GLIS3: variants seen among roughly 807,000 people sequenced by gnomAD.
GLIS3 encodes zinc finger protein GLIS3.
A neutral mutation model predicts 78.6 loss-of-function variants in GLIS3; 53 were observed. The observed-to-expected ratio is 0.67, with a 90% CI of 0.54 to 0.85. The LOEUF is 0.85. Ranked by LOEUF, GLIS3 falls within the 40% of genes least tolerant of loss-of-function variation. The probability of loss-of-function intolerance (pLI) is 0.00; values close to 1 mark genes in which losing one functional copy is unlikely to be tolerated. For missense variants in GLIS3, 1,703 were observed against 1,231.1 expected, an observed-to-expected ratio of 1.38 and a Z score of -5.74; for synonymous variants, 684 against 509.9, an observed-to-expected ratio of 1.34 and a Z score of -4.60.
chr9:4,009,501 G>A (rs955905577), intron 4 of GLIS3, among the ~76,000 whole-genome samples: 5 of 152,176 alleles, frequency 3.3e-5, no homozygotes, highest in Admixed American at 1.3e-4. Context: ...TCCCACCAGA[G>A]AGCAGAACTG....
At chr9:4,126,090 C>T in intron 2 of GLIS3, 149 bp from the exon 3 acceptor site, 1 of 664,844 alleles carries the variant, frequency 1.5e-6, no homozygotes, top group Non-Finnish European at 2.7e-6. Flanking sequence ...AAAAGGCTTT[C>T]TCCAATTCCA....
intron 4 of GLIS3, among the ~76,000 whole-genome samples, chr9:3,971,677 G>C (rs759468341): frequency 2.0e-5 from 3 of 152,088 alleles, no homozygotes; most frequent in Non-Finnish European, 4.4e-5. Flanking sequence ...TTATCTGATT[G>C]GCACACCGTA....
intron 2 of GLIS3, among the ~76,000 whole-genome samples, chr9:4,242,162 C>T (rs147688699): frequency 6.6e-6 from 1 of 152,252 alleles, no homozygotes; most frequent in African/African-American, 2.4e-5. Flanking sequence ...GTGTATACTT[C>T]CTGATCCAAC....
chr9:3,941,745 G>C (rs78499377), intron 4 of GLIS3, among the ~76,000 whole-genome samples: 2,016 of 152,340 alleles, frequency 0.013, 56 homozygotes, highest in African/African-American at 0.047. Context: ...CACTTTGAGA[G>C]AGAGTTCTTT....
At chr9:3,887,729 T>C (rs1822174513) in intron 7 of GLIS3, among the ~76,000 whole-genome samples, 1 of 152,170 alleles carries the variant, frequency 6.6e-6, no homozygotes, top group Non-Finnish European at 1.5e-5. Context: ...TCCACATAAA[T>C]GTCAAAAGGT....
At chr9:3,834,440 G>A (rs1032958511) in intron 9 of GLIS3, among the ~76,000 whole-genome samples, 5 of 152,098 alleles carry the variant, frequency 3.3e-5, no homozygotes, top group South Asian at 4.2e-4. Context: ...TTTGAAATGC[G>A]GCTAGTGTGA....
At chr9:4,126,515 C>T (rs1338471467) in intron 2 of GLIS3, among the ~76,000 whole-genome samples, 1 of 152,074 alleles carries the variant, frequency 6.6e-6, no homozygotes, top group Non-Finnish European at 1.5e-5. Context: ...GAGTTGTAAA[C>T]AAAATGCTCA....
chr9:4,322,880 T>C (rs1171194186), intron 2 of GLIS3, among the ~76,000 whole-genome samples: 1 of 152,198 alleles, frequency 6.6e-6, no homozygotes, highest in Non-Finnish European at 1.5e-5. Flanking sequence ...ACTCTGATGG[T>C]AGTTTCTTTT....
intron 2 of GLIS3, among the ~76,000 whole-genome samples, chr9:4,145,411 G>A (rs921613826): frequency 4.6e-5 from 7 of 151,862 alleles, no homozygotes; most frequent in Non-Finnish European, 1.0e-4. Context: ...ATATCTTTAG[G>A]TTGCCAAGGC....
At chr9:4,111,710 C>A (rs182757221) in intron 4 of GLIS3, among the ~76,000 whole-genome samples, 7 of 152,290 alleles carry the variant, frequency 4.6e-5, no homozygotes, top group Admixed American at 2.0e-4. Context: ...GTATCTCTTA[C>A]GTAAAATCGC....
At chr9:4,205,081 C>T (rs929544465) in intron 2 of GLIS3, among the ~76,000 whole-genome samples, 5 of 149,638 alleles carry the variant, frequency 3.3e-5, no homozygotes, top group African/African-American at 7.4e-5. Context: ...GAGGCTGAGG[C>T]AGGAGAATTA....
chr9:3,873,895 T>A (rs182229316), intron 8 of GLIS3, among the ~76,000 whole-genome samples: 27 of 152,192 alleles, frequency 1.8e-4, no homozygotes, highest in Admixed American at 1.2e-3. Flanking sequence ...TCAAAAATAA[T>A]TGTTCCTCAT....
the GLIS3 span, among the ~76,000 whole-genome samples, chr9:4,427,819 A>C: frequency 6.6e-6 from 1 of 151,942 alleles, no homozygotes; most frequent in Admixed American, 6.6e-5. Flanking sequence ...AGATTGTGCC[A>C]CTGCACTCCA....
At chr9:3,868,635 G>T (rs1174436908) in intron 8 of GLIS3, among the ~76,000 whole-genome samples, 1 of 152,132 alleles carries the variant, frequency 6.6e-6, no homozygotes, top group Non-Finnish European at 1.5e-5. Context: ...TTTGTGGGTG[G>T]ATAACAGACT....
intron 2 of GLIS3, among the ~76,000 whole-genome samples, chr9:4,216,472 T>G (rs1157800812): frequency 1.6e-5 from 2 of 128,674 alleles, no homozygotes; most frequent in Non-Finnish European, 3.2e-5. Flanking sequence ...AGAGCGAGAC[T>G]CTGTCTCAAA....
At chr9:3,898,519 C>T (rs974820935) in intron 7 of GLIS3, 172 bp downstream of exon 7, 1 of 723,106 alleles carries the variant, frequency 1.4e-6, no homozygotes, top group East Asian at 2.7e-5. Context: ...AAACAATCTG[C>T]TGCCACACCC....
In GLIS3 at chr9:3,855,540, C is replaced by T. The variant is rs117075967; in HGVS notation, c.2473+469G>A. The T allele has an allele frequency of 3.3e-3, 729 of 222,924 alleles. 1 individual carries two copies. Among genetic ancestry groups the T allele is most frequent in the Non-Finnish European group, 4.6e-3 (512 of 111,282 alleles). The allele number at this position is 222,924 out of a possible 1,614,324, so 13.8% of individuals were successfully genotyped here. A position where few individuals can be genotyped will look rare whatever the true frequency, so the allele number is the denominator to read the frequency against. On this transcript the variant is annotated intron_variant, in intron 9 of 10. Coordinates refer to ENST00000381971, the MANE Select transcript of GLIS3 (RefSeq NM_001042413.2). ...GCGATATAAAATCAGAGTTTAGAGC[C>T]TGGAGAGATGACATCAGCTGGGGGA...
chr9:4,423,218 G>C, the GLIS3 span, among the ~76,000 whole-genome samples: 2,444 of 152,206 alleles, frequency 0.016, 58 homozygotes, highest in African/African-American at 0.056. Flanking sequence ...CTCAGGTCTG[G>C]AGAGGATCCA....
At chr9:4,127,748 T>C (rs1201726351) in intron 2 of GLIS3, among the ~76,000 whole-genome samples, 1 of 151,300 alleles carries the variant, frequency 6.6e-6, no homozygotes, top group South Asian at 2.1e-4. Context: ...GCCACTATTA[T>C]TAAAAGCAAC....
Sources: allele counts gnomAD v4.1 joint callset (sites outside exome capture counted in the v4.1 genomes callset), GRCh38; gene constraint gnomAD v4.1.1; transcripts MANE v1.5; gene names NCBI Gene and HGNC (gene_info 2026-07-23, HGNC 2026-07-21).